MOBP: variants seen among roughly 807,000 people sequenced by gnomAD.
MOBP encodes myelin associated oligodendrocyte basic protein.
A neutral mutation model predicts 15.0 loss-of-function variants in MOBP; 5 were observed. That is an observed-to-expected ratio of 0.33 (90% CI 0.17 to 0.70). MOBP has a LOEUF of 0.70. Among genes scored for constraint, MOBP ranks in the 30% least tolerant of loss-of-function variants. The probability of loss-of-function intolerance (pLI) is 0.67; values close to 1 mark genes in which losing one functional copy is unlikely to be tolerated. For synonymous variants in MOBP, 88 were observed against 99.0 expected (o/e 0.89, Z 0.66); for missense variants, 188 against 257.8 (o/e 0.73, Z 1.85).
At chr3:39,505,265 A>G (rs1178313361), downstream of MOBP, among the ~76,000 whole-genome samples, 1 of 152,156 alleles carries the variant, frequency 6.6e-6, no homozygotes, top group African/African-American at 2.4e-5. Context: ...TTTGGAGTCA[A>G]TCAGTCACAT....
intron 2 of MOBP, among the ~76,000 whole-genome samples, chr3:39,495,423 T>C (rs1441077169): frequency 2.6e-5 from 4 of 151,578 alleles, no homozygotes; most frequent in Non-Finnish European, 5.9e-5. Flanking sequence ...TAAATGTACA[T>C]ATATGAAGCA....
chr3:39,498,330 T>TTTG lies in MOBP; in HGVS notation c.-4-3724_-4-3722dup, dbSNP rs149800261. ...GGGAAAAGAGTTAGGAGGGCAGTTT[T>TTTG]TTGTTGTTGTTGTTTTTGTTTTTAT... On this transcript the variant is annotated intron_variant, in intron 2 of 3. Transcript: ENST00000684792. Among the ~76,000 whole-genome samples the TTTG allele has an allele frequency of 6.6e-4, 100 of 151,966 alleles. 1 individual carries two copies. The highest frequency in any genetic ancestry group is 2.1e-3 in the African/African-American group (87 of 41,378).
chr3:39,510,328 C>T (rs2043103363), intron 4 of MOBP, among the ~76,000 whole-genome samples: 1 of 151,942 alleles, frequency 6.6e-6, no homozygotes, highest in Admixed American at 6.6e-5. Context: ...TTTTACTTTT[C>T]CATATAAATT....
At chr3:39,486,197 C>T (rs1385168790) in intron 2 of MOBP, among the ~76,000 whole-genome samples, 3 of 152,168 alleles carry the variant, frequency 2.0e-5, no homozygotes, top group African/African-American at 7.2e-5. Flanking sequence ...GGTCCTGGGA[C>T]TCCATTTACT....
chr3:39,490,689 A>G (rs918138850), intron 2 of MOBP, among the ~76,000 whole-genome samples: 2 of 152,110 alleles, frequency 1.3e-5, no homozygotes, highest in Non-Finnish European at 2.9e-5. Flanking sequence ...TGGCCTCCCA[A>G]ATAGCTGGGA....
intron 2 of MOBP, among the ~76,000 whole-genome samples, chr3:39,496,855 G>T (rs1469834427): frequency 6.6e-6 from 1 of 152,002 alleles, no homozygotes; most frequent in Non-Finnish European, 1.5e-5. Context: ...TAGAGATGGG[G>T]TTTCTCCATG....
At chr3:39,510,324 T>C (rs1170998702) in intron 4 of MOBP, among the ~76,000 whole-genome samples, 3 of 152,270 alleles carry the variant, frequency 2.0e-5, no homozygotes, top group Middle Eastern at 3.4e-3. Context: ...GTTTTTTTAC[T>C]TTTCCATATA....
At chr3:39,528,734 A>G (rs538204352), downstream of MOBP, 5 of 152,268 alleles carry the variant, frequency 3.3e-5, no homozygotes, top group Non-Finnish European at 7.3e-5. Context: ...CTAGAAAATA[A>G]TGCAAGCCTA....
intron 1 of MOBP, among the ~76,000 whole-genome samples, chr3:39,473,152 A>C (rs2042495312): frequency 6.6e-6 from 1 of 152,198 alleles, no homozygotes; most frequent in African/African-American, 2.4e-5. Flanking sequence ...TGTCACCCTT[A>C]AAGCATTAGG....
chr3:39,515,361 A>G (rs2043187735), exon 5 of MOBP: 1 of 152,110 alleles, frequency 6.6e-6, no homozygotes, highest in South Asian at 2.1e-4. Flanking sequence ...ACTTAGCTAC[A>G]TTGTTTATTG....
At chr3:39,513,558 A>G in exon 5 of MOBP, 7 of 885,192 alleles carry the variant, frequency 7.9e-6, no homozygotes, top group Non-Finnish European at 1.2e-5. Context: ...GCAACTGCTG[A>G]TGCTCATGGT....
downstream of MOBP, among the ~76,000 whole-genome samples, chr3:39,504,556 C>T (rs1449177072): frequency 6.6e-6 from 1 of 152,222 alleles, no homozygotes; most frequent in Admixed American, 6.5e-5. Context: ...CCGTTATTAC[C>T]TCCTCAGCCA....
intron 2 of MOBP, among the ~76,000 whole-genome samples, chr3:39,497,736 T>C (rs2042908004): frequency 6.6e-6 from 1 of 152,272 alleles, no homozygotes; most frequent in South Asian, 2.1e-4. Context: ...ATTTGCTTTA[T>C]TAAAGGAAAA....
At chr3:39,493,845 G>A (rs901644501) in intron 2 of MOBP, among the ~76,000 whole-genome samples, 1 of 152,178 alleles carries the variant, frequency 6.6e-6, no homozygotes, top group Non-Finnish European at 1.5e-5. Flanking sequence ...CAACTGTTGA[G>A]TGGTAAAAGA....
downstream of MOBP, chr3:39,525,524 G>C (rs1228914686): frequency 6.6e-6 from 1 of 152,378 alleles, no homozygotes; most frequent in Admixed American, 6.5e-5. Context: ...GAACAGTCTT[G>C]TGCTAGGAGC....
chr3:39,520,124 T>TA (rs1378443363), downstream of MOBP, among the ~76,000 whole-genome samples: 1 of 152,128 alleles, frequency 6.6e-6, no homozygotes, highest in Non-Finnish European at 1.5e-5. Flanking sequence ...CTAACTCTGA[T>TA]TTTTCCCAAA....
At chr3:39,518,544 G>A (rs1666254456), downstream of MOBP, among the ~76,000 whole-genome samples, 1 of 152,100 alleles carries the variant, frequency 6.6e-6, no homozygotes, top group Non-Finnish European at 1.5e-5. Context: ...AAGAGCTCTT[G>A]GGCCATTCTC....
chr3:39,519,589 G>T, downstream of MOBP, among the ~76,000 whole-genome samples: 1 of 149,830 alleles, frequency 6.7e-6, no homozygotes, highest in African/African-American at 2.5e-5. Context: ...TTTTACCATG[G>T]TAATCTGCCA....
chr3:39,511,630 T>C (rs2043120770), intron 4 of MOBP, among the ~76,000 whole-genome samples: 3 of 152,210 alleles, frequency 2.0e-5, no homozygotes, highest in Admixed American at 2.0e-4. Context: ...TGAGCTCCCT[T>C]GATACTTCCA....
Sources: allele counts gnomAD v4.1 joint callset (sites outside exome capture counted in the v4.1 genomes callset), GRCh38; gene constraint gnomAD v4.1.1; transcripts MANE v1.5; gene names NCBI Gene and HGNC (gene_info 2026-07-23, HGNC 2026-07-21).